The following LRP6 variants were observed in gnomAD, a reference collection of about 807,000 sequenced individuals.
The protein encoded by LRP6 is low-density lipoprotein receptor-related protein 6.
LRP6 carries 43 observed loss-of-function variants against 184.1 expected under a neutral mutation model. The ratio of observed to expected loss-of-function variants is 0.23; its 90% CI spans 0.18 to 0.30. The LOEUF is 0.30. Among genes scored for constraint, LRP6 ranks in the 10% least tolerant of loss-of-function variants. The probability of loss-of-function intolerance (pLI) is 1.00; values close to 1 mark genes in which losing one functional copy is unlikely to be tolerated. For synonymous variants in LRP6, 719 were observed against 684.9 expected (o/e 1.05, Z -0.78); for missense variants, 1,571 against 2,005.3 (o/e 0.78, Z 4.14).
At chr12:12,237,407 T>A (rs1354785191) in intron 2 of LRP6, among the ~76,000 whole-genome samples, 2 of 152,054 alleles carry the variant, frequency 1.3e-5, no homozygotes, top group African/African-American at 4.8e-5. Context: ...ACAGCAAACA[T>A]CACAGTAATA....
chr12:12,181,390 A>G lies in LRP6; in HGVS notation c.1026T>C (p.Ile342=). The G allele has an allele frequency of 6.6e-7, 1 of 1,518,844 alleles. No individual in the cohort carries two copies. 94.1% of individuals were successfully genotyped at this position (1,518,844 alleles called of 1,614,324 possible). The part of the protein sequence containing the change: ...LLARRTDLRR[I]SLDTPDFTDI... Reference sequence around the variant, plus strand: ...CTGTAAAATCTGGTGTATCCAAAGAAATGCGTCTCAAGTCTGTCCTTCGAG... The same window carrying G: ...CTGTAAAATCTGGTGTATCCAAAGAGATGCGTCTCAAGTCTGTCCTTCGAG... Residue 342 remains isoleucine, a synonymous_variant, in exon 6 of 23, where the codon ATT becomes ATC. Transcript: ENST00000261349.
At chr12:12,249,410 G>A (rs1865267368) in intron 1 of LRP6, 2 of 840,754 alleles carry the variant, frequency 2.4e-6, no homozygotes, top group African/African-American at 1.7e-5. Flanking sequence ...GCCACCTCAA[G>A]GACAGTGTTA....
chr12:12,176,580 A>G (rs767683914), intron 7 of LRP6, among the ~76,000 whole-genome samples: 2 of 152,210 alleles, frequency 1.3e-5, no homozygotes, highest in Non-Finnish European at 1.5e-5. Flanking sequence ...AGAATTCCCC[A>G]TTCCTTCTCC....
At chr12:12,236,359 T>C (rs998278649) in intron 2 of LRP6, among the ~76,000 whole-genome samples, 4 of 152,232 alleles carry the variant, frequency 2.6e-5, no homozygotes, top group Admixed American at 6.5e-5. Context: ...AGTTTTGGAT[T>C]ACAACCTACA....
intron 2 of LRP6, among the ~76,000 whole-genome samples, chr12:12,225,067 T>C (rs1864580989): frequency 6.6e-6 from 1 of 152,068 alleles, no homozygotes; most frequent in Non-Finnish European, 1.5e-5. Flanking sequence ...TAGCCGGTTG[T>C]GGTGGCAGGC....
intron 17 of LRP6, 104 bp downstream of exon 17, chr12:12,135,071 G>C: frequency 6.5e-7 from 1 of 1,534,654 alleles, no homozygotes; most frequent in East Asian, 2.3e-5. Flanking sequence ...AACCAATTAA[G>C]TTAGTAGACA....
intron 1 of LRP6, among the ~76,000 whole-genome samples, chr12:12,264,074 G>C (rs1025165053): frequency 4.0e-5 from 6 of 151,802 alleles, no homozygotes; most frequent in African/African-American, 1.5e-4. Context: ...CCAAGACTTT[G>C]AGACTGCAAT....
chr12:12,126,648 C>T lies in LRP6; in HGVS notation c.4312+43G>A, dbSNP rs371987936. The T allele has an allele frequency of 4.1e-5, 61 of 1,481,358 alleles. 1 individual carries two copies. The highest frequency in any genetic ancestry group is 6.9e-5 in the African/African-American group (5 of 72,328). 91.8% of individuals were successfully genotyped at this position (1,481,358 alleles called of 1,614,324 possible). A position where few individuals can be genotyped will look rare whatever the true frequency, so the allele number is the denominator to read the frequency against. Reference sequence around the variant, plus strand: ...TCCACAATGGAAACTGGCAGTCTTGCAGGACCAAAGACTTGATTCTCAATG... The same window carrying T: ...TCCACAATGGAAACTGGCAGTCTTGTAGGACCAAAGACTTGATTCTCAATG... On this transcript the variant is annotated intron_variant, in intron 20 of 22. Coordinates refer to ENST00000261349, the MANE Select transcript of LRP6 (RefSeq NM_002336.3).
Position 12,266,830 on chromosome 12 carries a change from A to C in LRP6, c.-95T>G, listed in dbSNP as rs1865781138. 1 of 971,814 alleles carries C rather than the reference A, an allele frequency of 1.0e-6. No homozygotes were observed. The highest frequency in any genetic ancestry group is 1.9e-5 in the Admixed American group (1 of 52,412). 60.2% of individuals were successfully genotyped at this position (971,814 alleles called of 1,614,324 possible). On this transcript the variant is annotated 5_prime_UTR_variant, in exon 1 of 23. Transcript: ENST00000261349. The stretch of plus-strand genomic sequence containing the variant: ...GCGGCCGCCGCAGCGGCAGGGCTGC[A>C]CGCTCATACTTCCCAGCTTCCCAGC...
At chr12:12,147,304 A>G (rs1022140038) in intron 15 of LRP6, 62 bp downstream of exon 15, 17 of 1,558,690 alleles carry the variant, frequency 1.1e-5, no homozygotes, top group Non-Finnish European at 1.5e-5. Flanking sequence ...TGCAAGAAAA[A>G]CACAATAGAT....
At chr12:12,222,287 C>T (rs1310584475) in intron 2 of LRP6, among the ~76,000 whole-genome samples, 3 of 151,976 alleles carry the variant, frequency 2.0e-5, no homozygotes, top group Non-Finnish European at 4.4e-5. Flanking sequence ...AGATCACGGC[C>T]GGGTGCAGTG....
At chr12:12,131,707 C>T in intron 18 of LRP6, 114 bp downstream of exon 18, 1 of 818,894 alleles carries the variant, frequency 1.2e-6, no homozygotes, top group Non-Finnish European at 2.2e-6. Flanking sequence ...AGAAGTGATA[C>T]AGTCATATGT....
chr12:12,234,253 C>A (rs1864872250), intron 2 of LRP6, among the ~76,000 whole-genome samples: 2 of 151,924 alleles, frequency 1.3e-5, no homozygotes, highest in African/African-American at 4.8e-5. Flanking sequence ...CACCATTACA[C>A]TTTAGCGTGG....
At chr12:12,231,145 C>T (rs563538340) in intron 2 of LRP6, among the ~76,000 whole-genome samples, 2 of 123,552 alleles carry the variant, frequency 1.6e-5, no homozygotes, top group South Asian at 5.5e-4. Context: ...CGTGACACTA[C>T]ACTCTAGCCT....
At chr12:12,210,474 A>C (rs1290645912) in intron 2 of LRP6, among the ~76,000 whole-genome samples, 1 of 152,222 alleles carries the variant, frequency 6.6e-6, no homozygotes, top group East Asian at 1.9e-4. Context: ...CAGGAAAATC[A>C]GTGTAAAAAT....
At chr12:12,234,394 G>A (rs913758167) in intron 2 of LRP6, among the ~76,000 whole-genome samples, 2 of 151,928 alleles carry the variant, frequency 1.3e-5, no homozygotes, top group African/African-American at 2.4e-5. Context: ...AGGTTGCAGT[G>A]AGCCCAGATC....
rs1949549498 is a variant in LRP6 at position 12,118,561 on chromosome 12, T to C, written c.*2565A>G. ...TTTCTTTTTTCCCCCTAATTTGTGATCTCATGCTTTTCCTCTCAACTTTTC... is the reference window on the plus strand; with the variant it reads ...TTTCTTTTTTCCCCCTAATTTGTGACCTCATGCTTTTCCTCTCAACTTTTC... On this transcript the variant is annotated 3_prime_UTR_variant, in exon 23 of 23. Coordinates refer to ENST00000261349, the MANE Select transcript of LRP6 (RefSeq NM_002336.3). The C allele has an allele frequency of 6.6e-6, 1 of 152,230 alleles. No individual in the cohort carries two copies. Among genetic ancestry groups the C allele is most frequent in the Non-Finnish European group, 1.5e-5 (1 of 68,048 alleles). 9.4% of individuals were successfully genotyped at this position (152,230 alleles called of 1,614,324 possible).
chr12:12,178,489 A>T (rs1344474743), intron 7 of LRP6, among the ~76,000 whole-genome samples: 1 of 152,158 alleles, frequency 6.6e-6, no homozygotes, highest in Non-Finnish European at 1.5e-5. Flanking sequence ...TGGGCTTTAA[A>T]CTGTTTTCCT....
chr12:12,264,114 C>T (rs1865697163), intron 1 of LRP6, among the ~76,000 whole-genome samples: 1 of 151,508 alleles, frequency 6.6e-6, no homozygotes, highest in Non-Finnish European at 1.5e-5. Flanking sequence ...GCACCCCAGA[C>T]TGAGTGATGA....
Sources: allele counts gnomAD v4.1 joint callset (sites outside exome capture counted in the v4.1 genomes callset), GRCh38; gene constraint gnomAD v4.1.1; transcripts MANE v1.5; gene names NCBI Gene and HGNC (gene_info 2026-07-23, HGNC 2026-07-21).